The following SMARCAD1 variants were observed in gnomAD, a reference collection of about 807,000 sequenced individuals.
SMARCAD1 encodes the protein SNF2 related chromatin remodeling ATPase with DExD box 1.
In SMARCAD1, 25 loss-of-function variants were observed where a neutral mutation model predicts 127.1. The observed-to-expected ratio is 0.20, with a 90% CI of 0.14 to 0.27. The LOEUF (loss-of-function observed/expected upper bound fraction) is 0.27, where lower values mean the gene tolerates loss of function less well. SMARCAD1 is among the 10% of genes least tolerant of loss of function. The pLI is 1.00. For synonymous variants in SMARCAD1, 400 were observed against 396.9 expected, an observed-to-expected ratio of 1.01 and a Z score of -0.09; for missense variants, 807 against 1,206.0, an observed-to-expected ratio of 0.67 and a Z score of 4.90.
At chr4:94,254,489 TG>T (rs1446524029) in intron 9 of SMARCAD1, among the ~76,000 whole-genome samples, 2 of 152,170 alleles carry the variant, frequency 1.3e-5, no homozygotes, top group African/African-American at 4.8e-5. Context: ...CAGAGGTATA[TG>T]TGCCAGATGT....
At chr4:94,229,269 T>C (rs529569664) in intron 3 of SMARCAD1, among the ~76,000 whole-genome samples, 2 of 152,324 alleles carry the variant, frequency 1.3e-5, no homozygotes, top group Non-Finnish European at 2.9e-5. Flanking sequence ...TTTATGATAA[T>C]GATGGTGGGA....
At chr4:94,276,239 A>G in intron 14 of SMARCAD1, 100 bp from the exon 15 acceptor site, 1 of 1,295,842 alleles carries the variant, frequency 7.7e-7, no homozygotes, top group Non-Finnish European at 1.1e-6. Context: ...TGGCTGTTAG[A>G]AATGTGTAAA....
At chr4:94,241,180 A>G (rs982591443) in intron 6 of SMARCAD1, among the ~76,000 whole-genome samples, 174 bp downstream of exon 6, 1 of 152,214 alleles carries the variant, frequency 6.6e-6, no homozygotes, top group African/African-American at 2.4e-5. Context: ...TAATTTATCC[A>G]GTATGAAGCC....
At chr4:94,251,093 CT>C (rs1490196624) in intron 8 of SMARCAD1, among the ~76,000 whole-genome samples, 1 of 152,088 alleles carries the variant, frequency 6.6e-6, no homozygotes, top group African/African-American at 2.4e-5. Context: ...GTTAAGGCTA[CT>C]TTTAAATTGC....
At chr4:94,281,284 A>T (rs576873084) in intron 20 of SMARCAD1, among the ~76,000 whole-genome samples, 188 bp from the exon 21 acceptor site, 5 of 152,352 alleles carry the variant, frequency 3.3e-5, no homozygotes, top group Non-Finnish European at 5.9e-5. Flanking sequence ...GTTTATTCAT[A>T]TATAGGCTGC....
chr4:94,266,310 C>T (rs1751720594), intron 10 of SMARCAD1, among the ~76,000 whole-genome samples: 1 of 152,108 alleles, frequency 6.6e-6, no homozygotes, highest in Non-Finnish European at 1.5e-5. Flanking sequence ...AAAAATTTCT[C>T]TCTCAAAACC....
Position 94,290,903 on chromosome 4 carries a change from G to A in SMARCAD1, c.*1369G>A. The A allele has an allele frequency of 2.2e-6, 1 of 453,670 alleles. No individual in the cohort carries two copies. Among genetic ancestry groups the A allele is most frequent in the Non-Finnish European group, 4.4e-6 (1 of 226,518 alleles). 28.1% of individuals were successfully genotyped at this position (453,670 alleles called of 1,614,324 possible). ...TAGGTAGTACGACCCTCTGGATTTG[G>A]AAGGCAAATAAAACTCTTACAGTGA... On this transcript the variant is annotated 3_prime_UTR_variant, in exon 24 of 24. Transcript: ENST00000354268.
chr4:94,245,484 G>T (rs1748270721), intron 6 of SMARCAD1, among the ~76,000 whole-genome samples: 1 of 152,218 alleles, frequency 6.6e-6, no homozygotes, highest in Admixed American at 6.5e-5. Context: ...TGTAAAAGGA[G>T]GAGGCTGGCA....
chr4:94,208,217 G>T (rs759860816), intron 1 of SMARCAD1, 129 bp from the exon 2 acceptor site: 1 of 739,126 alleles, frequency 1.4e-6, no homozygotes. Flanking sequence ...ACAATGAAGC[G>T]CAGCCATAAC....
At chr4:94,233,333 G>T (rs1305998039) in intron 3 of SMARCAD1, among the ~76,000 whole-genome samples, 4 of 152,136 alleles carry the variant, frequency 2.6e-5, no homozygotes, top group African/African-American at 9.7e-5. Flanking sequence ...GGGAATAAAT[G>T]AGTAAAATTT....
chr4:94,283,367 G>A, intron 22 of SMARCAD1, 64 bp downstream of exon 22: 3 of 1,509,544 alleles, frequency 2.0e-6, no homozygotes, highest in Non-Finnish European at 2.7e-6. Context: ...TAGACCATTA[G>A]AATATAGTGT....
chr4:94,215,621 A>C (rs1479510583), intron 2 of SMARCAD1, among the ~76,000 whole-genome samples: 1 of 121,146 alleles, frequency 8.3e-6, no homozygotes, highest in East Asian at 2.9e-4. Context: ...ATTCTGTCCC[A>C]AAAAGGGGGG....
At chr4:94,264,068 T>C (rs1243671666) in intron 9 of SMARCAD1, among the ~76,000 whole-genome samples, 1 of 151,932 alleles carries the variant, frequency 6.6e-6, no homozygotes, top group Admixed American at 6.6e-5. Context: ...AAATTGGTTT[T>C]TAAAAACCTT....
chr4:94,253,090 C>T (rs1283509948), intron 9 of SMARCAD1, 83 bp downstream of exon 9: 1 of 1,593,710 alleles, frequency 6.3e-7, no homozygotes, highest in Non-Finnish European at 8.5e-7. Context: ...TGTCTTCAGC[C>T]CAGGTAAGCA....
chr4:94,277,945 A>T (rs1753528108), intron 16 of SMARCAD1, among the ~76,000 whole-genome samples: 1 of 152,126 alleles, frequency 6.6e-6, no homozygotes, highest in African/African-American at 2.4e-5. Flanking sequence ...CTACTTCTTA[A>T]TTCTCCAGAG....
intron 14 of SMARCAD1, among the ~76,000 whole-genome samples, 181 bp from the exon 15 acceptor site, chr4:94,276,158 A>G (rs190591086): frequency 1.8e-3 from 277 of 152,270 alleles, no homozygotes; most frequent in Non-Finnish European, 2.5e-3. Flanking sequence ...GTGTACATCA[A>G]TAATTATTAA....
intron 2 of SMARCAD1, among the ~76,000 whole-genome samples, chr4:94,209,525 T>C (rs1741851583): frequency 6.6e-6 from 1 of 152,226 alleles, no homozygotes. Context: ...AAACAGCTTT[T>C]AACTTAATGT....
At chr4:94,276,530 TTAATA>T (rs1438456764) in intron 15 of SMARCAD1, 56 bp downstream of exon 15, 7 of 1,573,900 alleles carry the variant, frequency 4.4e-6, no homozygotes, top group Middle Eastern at 1.7e-4. Flanking sequence ...ATTACGTAAT[TTAATA>T]TATGTAGTAT....
upstream of SMARCAD1, chr4:94,207,862 G>C: frequency 3.0e-6 from 1 of 332,270 alleles, no homozygotes; most frequent in South Asian, 2.5e-5. Context: ...CTGGGATCGC[G>C]CCGCGTCAAC....
Sources: allele counts gnomAD v4.1 joint callset (sites outside exome capture counted in the v4.1 genomes callset), GRCh38; gene constraint gnomAD v4.1.1; transcripts MANE v1.5; gene names NCBI Gene and HGNC (gene_info 2026-07-23, HGNC 2026-07-21).